Variants in CNTNAP2 observed in about 807,000 individuals in gnomAD.
The protein encoded by CNTNAP2 is contactin-associated protein-like 2.
A neutral mutation model predicts 155.2 loss-of-function variants in CNTNAP2; 98 were observed. That is an observed-to-expected ratio of 0.63 (90% CI 0.54 to 0.75). The LOEUF is 0.75. Among genes scored for constraint, CNTNAP2 ranks in the 30% least tolerant of loss-of-function variants. CNTNAP2 has a pLI of 0.00. For missense variants in CNTNAP2, 1,727 were observed against 1,688.1 expected (o/e 1.02, Z -0.40); for synonymous variants, 651 against 631.2 (o/e 1.03, Z -0.47).
intron 23 of CNTNAP2, among the ~76,000 whole-genome samples, chr7:148,410,303 C>CT (rs1267006255): frequency 6.6e-6 from 1 of 151,990 alleles, no homozygotes; most frequent in Non-Finnish European, 1.5e-5. Context: ...GGTGCAGTGA[C>CT]TTACGCCTGT....
chr7:148,123,554 A>C (rs978064428), intron 16 of CNTNAP2, among the ~76,000 whole-genome samples: 1 of 151,844 alleles, frequency 6.6e-6, no homozygotes, highest in Non-Finnish European at 1.5e-5. Flanking sequence ...CTATGATCAC[A>C]CAGCTGTACC....
At chr7:146,912,596 T>A (rs370481384) in intron 3 of CNTNAP2, among the ~76,000 whole-genome samples, 6 of 152,128 alleles carry the variant, frequency 3.9e-5, no homozygotes, top group Non-Finnish European at 8.8e-5. Context: ...GCTAAGACCA[T>A]GTTTTATTTG....
intron 14 of CNTNAP2, among the ~76,000 whole-genome samples, chr7:147,932,039 C>T (rs1800514986): frequency 6.6e-6 from 1 of 152,022 alleles, no homozygotes; most frequent in Admixed American, 6.6e-5. Context: ...GTGCATGCTA[C>T]CAGGCCCAGC....
intron 1 of CNTNAP2, among the ~76,000 whole-genome samples, chr7:146,317,698 T>C (rs1415507764): frequency 6.6e-6 from 1 of 152,258 alleles, no homozygotes; most frequent in Non-Finnish European, 1.5e-5. Flanking sequence ...CAAAGCATGC[T>C]ATGCAATTAC....
chr7:148,380,848 T>C (rs937471737), intron 21 of CNTNAP2, among the ~76,000 whole-genome samples: 8 of 152,196 alleles, frequency 5.3e-5, no homozygotes, highest in African/African-American at 1.9e-4. Flanking sequence ...GCAGGATGCT[T>C]CCCTGACCGC....
intron 4 of CNTNAP2, among the ~76,000 whole-genome samples, chr7:147,104,149 G>C (rs143334707): frequency 1.3e-5 from 2 of 151,990 alleles, no homozygotes; most frequent in African/African-American, 4.8e-5. Flanking sequence ...AGGAAGCTGG[G>C]TGAAACATAT....
At chr7:147,346,401 G>T (rs999538674) in intron 9 of CNTNAP2, among the ~76,000 whole-genome samples, 3 of 151,668 alleles carry the variant, frequency 2.0e-5, no homozygotes, top group Admixed American at 2.0e-4. Context: ...TGATCCACCC[G>T]CCTCGGCCTC....
chr7:146,485,302 T>A (rs999720059), intron 1 of CNTNAP2, among the ~76,000 whole-genome samples: 4 of 152,162 alleles, frequency 2.6e-5, no homozygotes, highest in Admixed American at 6.5e-5. Flanking sequence ...ACAGGCAGGC[T>A]GGGAGGGAGG....
chr7:147,418,649 T>C (rs1797239820), intron 10 of CNTNAP2, among the ~76,000 whole-genome samples: 1 of 152,220 alleles, frequency 6.6e-6, no homozygotes, highest in Admixed American at 6.5e-5. Context: ...TATTATAGCA[T>C]GTTGCTATGG....
chr7:147,482,581 C>A (rs946151879), intron 10 of CNTNAP2, among the ~76,000 whole-genome samples: 3 of 151,804 alleles, frequency 2.0e-5, no homozygotes, highest in Non-Finnish European at 2.9e-5. Flanking sequence ...ATTAGCCGGG[C>A]GTGGTGGCGG....
chr7:146,614,232 G>A (rs2129154691), intron 1 of CNTNAP2, among the ~76,000 whole-genome samples: 1 of 152,226 alleles, frequency 6.6e-6, no homozygotes, highest in East Asian at 1.9e-4. Context: ...GTACAAAAGG[G>A]AAATTGACTA....
intron 4 of CNTNAP2, among the ~76,000 whole-genome samples, chr7:147,058,624 T>A (rs1799606500): frequency 7.3e-6 from 1 of 136,326 alleles, no homozygotes. Flanking sequence ...TTTTGCTTTT[T>A]GAGATGGAGT....
intron 13 of CNTNAP2, among the ~76,000 whole-genome samples, chr7:147,740,349 A>G (rs1445325732): frequency 6.6e-6 from 1 of 152,212 alleles, no homozygotes; most frequent in Admixed American, 6.5e-5. Context: ...TGGGCCCCCA[A>G]AAATAGTAAA....
At chr7:147,387,975 T>G (rs370313288) in intron 9 of CNTNAP2, among the ~76,000 whole-genome samples, 71 of 152,302 alleles carry the variant, frequency 4.7e-4, no homozygotes, top group African/African-American at 1.5e-3. Flanking sequence ...TACATTCCTG[T>G]TACATGTATT....
chr7:147,584,218 G>A (rs1390577740), intron 12 of CNTNAP2, among the ~76,000 whole-genome samples: 1 of 152,190 alleles, frequency 6.6e-6, no homozygotes, highest in East Asian at 1.9e-4. Context: ...GAGCTCTTTT[G>A]AGATGCTTCA....
intron 13 of CNTNAP2, among the ~76,000 whole-genome samples, chr7:147,839,191 T>C (rs1798682935): frequency 6.6e-6 from 1 of 152,110 alleles, no homozygotes; most frequent in Non-Finnish European, 1.5e-5. Flanking sequence ...TTAGATTGTA[T>C]CCACCCAGAT....
chr7:146,677,646 A>G (rs1029546582), intron 1 of CNTNAP2, among the ~76,000 whole-genome samples: 16 of 151,136 alleles, frequency 1.1e-4, no homozygotes, highest in Admixed American at 2.6e-4. Context: ...GGAGTGCCCA[A>G]TGTTTAGCTC....
At chr7:148,298,369 T>TGCCCCA (rs1268914950) in intron 21 of CNTNAP2, among the ~76,000 whole-genome samples, 8 of 152,158 alleles carry the variant, frequency 5.3e-5, no homozygotes, top group African/African-American at 1.7e-4. Flanking sequence ...GGGTTGAAAA[T>TGCCCCA]GCTTCTAGGC....
At chr7:146,717,713 T>C (rs897292565) in intron 1 of CNTNAP2, among the ~76,000 whole-genome samples, 1 of 152,236 alleles carries the variant, frequency 6.6e-6, no homozygotes, top group Non-Finnish European at 1.5e-5. Context: ...TGAGTAGTGA[T>C]GATGATGGCA....
Sources: allele counts gnomAD v4.1 joint callset (sites outside exome capture counted in the v4.1 genomes callset), GRCh38; gene constraint gnomAD v4.1.1; transcripts MANE v1.5; gene names NCBI Gene and HGNC (gene_info 2026-07-23, HGNC 2026-07-21).